The following GRSF1 variants were observed in gnomAD, a reference collection of about 807,000 sequenced individuals.
GRSF1 encodes the protein G-rich sequence factor 1.
GRSF1 carries 50 observed loss-of-function variants against 51.1 expected under a neutral mutation model. The observed-to-expected ratio is 0.98, with a 90% CI of 0.78 to 1.24. The LOEUF is 1.24. Ranked by LOEUF, GRSF1 falls within the 50% of genes most tolerant of loss-of-function variation. The pLI is 0.00. For missense variants in GRSF1, 700 were observed against 639.7 expected (o/e 1.09, Z -1.02); for synonymous variants, 293 against 253.3 (o/e 1.16, Z -1.49).
At chr4:70,826,675 AC>A (rs1733749813) in intron 6 of GRSF1, among the ~76,000 whole-genome samples, 1 of 152,060 alleles carries the variant, frequency 6.6e-6, no homozygotes, top group Admixed American at 6.5e-5. Context: ...CACTGTCTCT[AC>A]AAAAAATAAA....
chr4:70,833,870 G>T (rs1251250104), intron 2 of GRSF1, among the ~76,000 whole-genome samples: 1 of 152,024 alleles, frequency 6.6e-6, no homozygotes, highest in African/African-American at 2.4e-5. Flanking sequence ...AGTCCAAGAT[G>T]TAAGTGGCCA....
In GRSF1 at chr4:70,833,125, A is replaced by G; in HGVS notation, c.663T>C (p.Tyr221=). ...EKHRMYMGQR[Y]VEVYEINNED... ...TAATCTGACTTCACATACCTTCCAC[A>G]TACCGCTGGCCCATGTACATGCGGT... is the stretch of plus-strand genomic sequence containing the variant. The change falls in exon 3 of 10, where the codon TAT becomes TAC. Residue 221 remains tyrosine, a synonymous_variant. Transcript: ENST00000254799. The G allele has an allele frequency of 6.2e-7, 1 of 1,613,210 alleles. No individual in the cohort carries two copies. Among genetic ancestry groups the G allele is most frequent in the Non-Finnish European group, 8.5e-7 (1 of 1,179,532 alleles).
chr4:70,840,042 G>A (rs935093971), upstream of GRSF1: 2 of 479,096 alleles, frequency 4.2e-6, no homozygotes, highest in Admixed American at 8.8e-5. Context: ...GTTTGGGCGG[G>A]GCTGCCCATG....
In GRSF1 at chr4:70,818,264, G is replaced by T. The variant is rs192400687; in HGVS notation, c.*2623C>A. ...TTGGCCAGGCTAATCTTGAACTCCT[G>T]ACCTCAAGTGACCCACCATGGAGGG... On this transcript the variant is annotated 3_prime_UTR_variant, in exon 10 of 10. Coordinates refer to ENST00000254799, the MANE Select transcript of GRSF1 (RefSeq NM_002092.4). 2.0e-5 allele frequency: 3 copies of T among 152,282 alleles called. No homozygotes were observed. In the East Asian group the frequency reaches 5.8e-4, roughly 29 times the overall value. 9.4% of individuals were successfully genotyped at this position (152,282 alleles called of 1,614,324 possible).
At chr4:70,821,764 C>T (rs1449669012) in intron 9 of GRSF1, among the ~76,000 whole-genome samples, 2 of 151,514 alleles carry the variant, frequency 1.3e-5, no homozygotes, top group African/African-American at 4.9e-5. Flanking sequence ...CAACCTCCGC[C>T]TCCCAGATTC....
chr4:70,838,558 A>G (rs551561803), intron 1 of GRSF1, among the ~76,000 whole-genome samples: 1 of 152,334 alleles, frequency 6.6e-6, no homozygotes, highest in Admixed American at 6.5e-5. Context: ...AGAAGCACAA[A>G]TTGAATTAAG....
At chr4:70,835,351 A>T (rs1275075354) in intron 2 of GRSF1, among the ~76,000 whole-genome samples, 1 of 146,760 alleles carries the variant, frequency 6.8e-6, no homozygotes, top group Non-Finnish European at 1.5e-5. Flanking sequence ...AATGGTGTGA[A>T]CCCGGGAGGC....
chr4:70,830,461 A>AAC lies in GRSF1; in HGVS notation c.950+1076_950+1077dup, dbSNP rs952612895. 3.2e-4 allele frequency among the ~76,000 whole-genome samples: 48 copies of AAC among 150,664 alleles called. 1 individual carries two copies. The highest frequency in any genetic ancestry group is 1.0e-3 in the South Asian group (5 of 4,782). On this transcript the variant is annotated intron_variant, in intron 5 of 9. Coordinates refer to ENST00000254799, the MANE Select transcript of GRSF1 (RefSeq NM_002092.4). ...CCCTGTGTCTTAAAAAAAAAAAAAA[A>AAC]ACACACACACACACAGAGAATTATG...
At chr4:70,823,572 T>C (rs1733609364) in intron 9 of GRSF1, among the ~76,000 whole-genome samples, 1 of 151,634 alleles carries the variant, frequency 6.6e-6, no homozygotes, top group African/African-American at 2.4e-5. Context: ...GTTTGATCTT[T>C]ATTAAAAAGG....
rs1288070192 is a variant in GRSF1, at chr4:70,818,362, T to C, written c.*2525A>G. On this transcript the variant is annotated 3_prime_UTR_variant, in exon 10 of 10. Coordinates refer to ENST00000254799, the MANE Select transcript of GRSF1 (RefSeq NM_002092.4). ...CAAATGAGAACTGAGTAAGGGCTGT[T>C]CAGGGCAGAGGACATTAACAAGGCA... The C allele has an allele frequency of 1.3e-5, 2 of 152,208 alleles. No individual in the cohort carries two copies. Among genetic ancestry groups the C allele is most frequent in the Non-Finnish European group, 2.9e-5 (2 of 68,042 alleles). The allele number at this position is 152,208 out of a possible 1,614,324, so 9.4% of individuals were successfully genotyped here.
upstream of GRSF1, among the ~76,000 whole-genome samples, chr4:70,840,812 G>A (rs567446670): frequency 1.3e-5 from 2 of 152,086 alleles, no homozygotes; most frequent in South Asian, 2.1e-4. Flanking sequence ...CTCTGGGTAG[G>A]GCCGAGAGCT....
rs1661598397 is a variant in GRSF1, at chr4:70,815,946, AACAT to A, written c.*4937_*4940del. The stretch of plus-strand genomic sequence containing the variant: ...GGAACAAAGCTTAAACACACTGATG[AACAT>A]ACAAACATGCTGAGTAAAAGGAACT... On this transcript the variant is annotated 3_prime_UTR_variant, in exon 10 of 10. Transcript: ENST00000254799. 1.3e-5 allele frequency: 2 copies of A among 152,218 alleles called. No individual in the cohort carries two copies. Among genetic ancestry groups the A allele is most frequent in the African/African-American group, 4.8e-5 (2 of 41,450 alleles). 9.4% of individuals were successfully genotyped at this position (152,218 alleles called of 1,614,324 possible).
Position 70,819,147 on chromosome 4 carries a change from T to C in GRSF1, c.*1740A>G, listed in dbSNP as rs556990714. ...ATCATATAGCATTTTAATGCTTTGC[T>C]TGCATTCTTTTTCCAGAGATGTGCA... On this transcript the variant is annotated 3_prime_UTR_variant, in exon 10 of 10. Coordinates refer to ENST00000254799, the MANE Select transcript of GRSF1 (RefSeq NM_002092.4). 3.0e-4 allele frequency: 45 copies of C among 152,324 alleles called. No homozygotes were observed. Among genetic ancestry groups the C allele is most frequent in the African/African-American group, 1.1e-3 (45 of 41,576 alleles). The allele number at this position is 152,324 out of a possible 1,614,324, so 9.4% of individuals were successfully genotyped here. A position where few individuals can be genotyped will look rare whatever the true frequency, so the allele number is the denominator to read the frequency against.
upstream of GRSF1, among the ~76,000 whole-genome samples, chr4:70,841,038 A>G (rs1207243584): frequency 6.6e-6 from 1 of 152,128 alleles, no homozygotes; most frequent in Non-Finnish European, 1.5e-5. Context: ...GCTCATGCCT[A>G]TAATCCCAGC....
In GRSF1 at chr4:70,830,779, C is replaced by T. The variant is rs144400351; in HGVS notation, c.950+760G>A. 3.2e-3 allele frequency among the ~76,000 whole-genome samples: 478 copies of T among 148,446 alleles called. 4 individuals carry two copies. Among genetic ancestry groups the T allele is most frequent in the African/African-American group, 0.011 (456 of 40,430 alleles). ...GAGAGGATGCAGTGAGCCAAGATCA[C>T]ACCACCGCACTCCAGCCTAGGCGGC... On this transcript the variant is annotated intron_variant, in intron 5 of 9. Coordinates refer to ENST00000254799, the MANE Select transcript of GRSF1 (RefSeq NM_002092.4).
At chr4:70,837,549 G>GC in intron 1 of GRSF1, among the ~76,000 whole-genome samples, 1 of 85,416 alleles carries the variant, frequency 1.2e-5, no homozygotes, top group Admixed American at 1.9e-4. Context: ...GGGCAACAGA[G>GC]CAAGACTCCG....
chr4:70,839,292 A>G (rs1734359412), intron 1 of GRSF1, 179 bp downstream of exon 1: 3 of 1,498,164 alleles, frequency 2.0e-6, no homozygotes, highest in Middle Eastern at 1.7e-4. Flanking sequence ...CGCCTGGGAG[A>G]GCTTCCCTTG....
chr4:70,827,777 C>CAAA, intron 6 of GRSF1, 75 bp downstream of exon 6: 6 of 870,516 alleles, frequency 6.9e-6, no homozygotes, highest in African/African-American at 1.8e-5. Context: ...GACTTCATCT[C>CAAA]AAAAAAAAAA....
chr4:70,826,512 G>C (rs183431772), intron 6 of GRSF1, among the ~76,000 whole-genome samples: 2 of 149,688 alleles, frequency 1.3e-5, no homozygotes, highest in Non-Finnish European at 3.0e-5. Flanking sequence ...AACCCTAAAA[G>C]AGACTTTCTA....
Sources: gnomAD v4.1 joint callset for allele counts (sites outside exome capture counted in the v4.1 genomes callset) on GRCh38, gnomAD v4.1.1 for gene constraint, MANE v1.5 for transcripts, NCBI Gene and HGNC (gene_info 2026-07-23, HGNC 2026-07-21) for gene names.